The following TENM2 variants were observed in gnomAD, a reference collection of about 807,000 sequenced individuals.
TENM2 encodes the protein teneurin transmembrane protein 2.
A neutral mutation model predicts 245.2 loss-of-function variants in TENM2; 52 were observed. That is an observed-to-expected ratio of 0.21 (90% confidence interval 0.17 to 0.27). The LOEUF (loss-of-function observed/expected upper bound fraction) is 0.27, where lower values mean the gene tolerates loss of function less well. Among genes scored for constraint, TENM2 ranks in the 10% least tolerant of loss-of-function variants. The pLI is 1.00. For synonymous variants in TENM2, 1,363 were observed against 1,438.9 expected, an observed-to-expected ratio of 0.95 and a Z score of 1.19; for missense variants, 3,046 against 3,666.8, an observed-to-expected ratio of 0.83 and a Z score of 4.37.
chr5:167,973,208 G>A (rs1425988586), intron 4 of TENM2, among the ~76,000 whole-genome samples: 4 of 152,178 alleles, frequency 2.6e-5, no homozygotes, highest in Admixed American at 6.5e-5. Context: ...AAAATCTGGC[G>A]AGGAAGACAG....
intron 1 of TENM2, among the ~76,000 whole-genome samples, chr5:167,312,103 A>G (rs1261031368): frequency 6.6e-6 from 1 of 152,210 alleles, no homozygotes; most frequent in Non-Finnish European, 1.5e-5. Flanking sequence ...CCATATGCAT[A>G]TATTGTTGTA....
Position 167,704,396 on chromosome 5 carries a change from C to G in TENM2, c.503-171590C>G, listed in dbSNP as rs140305824. Among the ~76,000 whole-genome samples, 472 of 152,190 alleles carry G rather than the reference C, an allele frequency of 3.1e-3. 3 individuals carry two copies. Among genetic ancestry groups the G allele is most frequent in the Non-Finnish European group, 5.7e-3 (389 of 68,002 alleles). ...CATGGCACATCTTATCCAACAGGAG[C>G]CATTCCTACTCATTCATTTAATACA... is the stretch of plus-strand genomic sequence containing the variant. On this transcript the variant is annotated intron_variant, in intron 2 of 28. Transcript: ENST00000518659.
At chr5:167,265,444 A>T in the TENM2 span, among the ~76,000 whole-genome samples, 15 of 152,270 alleles carry the variant, frequency 9.9e-5, no homozygotes, top group East Asian at 2.9e-3. Context: ...GGCATCATCA[A>T]ATAATTTTAC....
At chr5:167,531,483 C>CTT (rs998346067) in intron 2 of TENM2, among the ~76,000 whole-genome samples, 6 of 145,758 alleles carry the variant, frequency 4.1e-5, no homozygotes, top group African/African-American at 1.3e-4. Flanking sequence ...TCACACTTAT[C>CTT]TTTTTTTTTT....
rs533019102 is a variant in TENM2, at chr5:167,923,788, C to T, written c.713-28800C>T. 1.2e-4 allele frequency among the ~76,000 whole-genome samples: 18 copies of T among 152,226 alleles called. No homozygotes were observed. The East Asian group carries it at 2.7e-3, about 23-fold the overall frequency. Reference sequence around the variant, plus strand: ...AGTGGGAGAGTTGGGCATTAACTCTCGGGAAGGAAGCCTAGTATCTCCCAC... The same window carrying T: ...AGTGGGAGAGTTGGGCATTAACTCTTGGGAAGGAAGCCTAGTATCTCCCAC... On this transcript the variant is annotated intron_variant, in intron 3 of 28. Coordinates refer to ENST00000518659, the Ensembl canonical transcript of TENM2.
the TENM2 span, among the ~76,000 whole-genome samples, chr5:167,142,757 G>T: frequency 7.9e-5 from 12 of 152,086 alleles, no homozygotes; most frequent in Admixed American, 1.3e-4. Context: ...TCACCATGTT[G>T]GCCAGGTTGG....
At chr5:167,641,996 C>T (rs1779643623) in intron 2 of TENM2, among the ~76,000 whole-genome samples, 1 of 151,996 alleles carries the variant, frequency 6.6e-6, no homozygotes, top group African/African-American at 2.4e-5. Context: ...CAAAAATTAG[C>T]CAGGCATGGT....
chr5:167,395,359 G>A (rs1761994023), intron 2 of TENM2, among the ~76,000 whole-genome samples: 2 of 151,998 alleles, frequency 1.3e-5, no homozygotes, highest in African/African-American at 4.8e-5. Context: ...TTACTGAATG[G>A]TTTATCAGTT....
chr5:167,806,125 G>T (rs968516481), intron 2 of TENM2, among the ~76,000 whole-genome samples: 1 of 152,084 alleles, frequency 6.6e-6, no homozygotes, highest in African/African-American at 2.4e-5. Flanking sequence ...GAAGGTAGAG[G>T]CAGGACAGAG....
chr5:167,519,630 G>A (rs571383476), intron 2 of TENM2, among the ~76,000 whole-genome samples: 1 of 152,278 alleles, frequency 6.6e-6, no homozygotes, highest in East Asian at 1.9e-4. Flanking sequence ...TCAGAGATCA[G>A]TGTTTCATTT....
chr5:167,898,359 T>C (rs571060521), intron 3 of TENM2, among the ~76,000 whole-genome samples: 1 of 152,220 alleles, frequency 6.6e-6, no homozygotes, highest in South Asian at 2.1e-4. Flanking sequence ...GAGTCTAATA[T>C]ATGCTAACGT....
Position 167,321,799 on chromosome 5 carries a change from T to TTTTTTTTTG in TENM2, c.226+36738_226+36739insTTTTTTGTT, listed in dbSNP as rs1361021247. ...TGCCTTGGCTTATTTTTTTTTTTTTTTTGGGGGGGGGGGCGGGGGGGGGGG... is the reference window on the plus strand; with the variant it reads ...TGCCTTGGCTTATTTTTTTTTTTTTTTTTTTTTTGTTGGGGGGGGGGGCGGGGGGGGGGG... On this transcript the variant is annotated intron_variant, in intron 1 of 28. Coordinates refer to ENST00000518659, the Ensembl canonical transcript of TENM2. 8.3e-3 allele frequency among the ~76,000 whole-genome samples: 160 copies of TTTTTTTTTG among 19,236 alleles called. 34 individuals are homozygous for TTTTTTTTTG. The highest frequency in any genetic ancestry group is 0.014 in the South Asian group (5 of 368). The allele number at this position is 19,236 out of a possible 152,430, so 12.6% of individuals were successfully genotyped here.
chr5:167,590,577 C>T (rs978323212), intron 2 of TENM2, among the ~76,000 whole-genome samples: 2 of 151,450 alleles, frequency 1.3e-5, no homozygotes, highest in Non-Finnish European at 3.0e-5. Flanking sequence ...TATTTTTTTT[C>T]TCCCAGGCAT....
chr5:167,418,634 G>T (rs895947460), intron 2 of TENM2, among the ~76,000 whole-genome samples: 27 of 152,138 alleles, frequency 1.8e-4, no homozygotes, highest in African/African-American at 6.3e-4. Context: ...AAGATATGGA[G>T]ATTTGCATAC....
chr5:167,788,657 T>C (rs1206151070), intron 2 of TENM2, among the ~76,000 whole-genome samples: 1 of 152,198 alleles, frequency 6.6e-6, no homozygotes, highest in Non-Finnish European at 1.5e-5. Flanking sequence ...ATTAAGGCAA[T>C]GCAAGCTGTG....
intron 3 of TENM2, among the ~76,000 whole-genome samples, chr5:167,890,186 A>T (rs1302242536): frequency 2.6e-5 from 4 of 152,102 alleles, no homozygotes; most frequent in African/African-American, 9.7e-5. Flanking sequence ...GTTCTTTTCC[A>T]ACTTTCAAAT....
At chr5:167,304,445 A>G (rs1429810933) in intron 1 of TENM2, among the ~76,000 whole-genome samples, 2 of 152,206 alleles carry the variant, frequency 1.3e-5, no homozygotes, top group Admixed American at 6.5e-5. Flanking sequence ...TTGGCAGCTA[A>G]TTCATTTTTA....
chr5:167,400,623 A>G (rs1326538596), intron 2 of TENM2, among the ~76,000 whole-genome samples: 1 of 152,134 alleles, frequency 6.6e-6, no homozygotes, highest in East Asian at 1.9e-4. Context: ...ACATCAGGGG[A>G]TGAGATGACT....
chr5:167,512,497 C>A (rs1275428423), intron 2 of TENM2, among the ~76,000 whole-genome samples: 1 of 152,102 alleles, frequency 6.6e-6, no homozygotes, highest in African/African-American at 2.4e-5. Flanking sequence ...CCCTACACTC[C>A]GAGGGATGTA....
Sources: gnomAD v4.1 joint callset for allele counts (sites outside exome capture counted in the v4.1 genomes callset) on GRCh38, gnomAD v4.1.1 for gene constraint, MANE v1.5 for transcripts, NCBI Gene and HGNC (gene_info 2026-07-23, HGNC 2026-07-21) for gene names.